Variants in CASP6 observed in about 807,000 individuals in gnomAD.
CASP6 encodes the protein caspase-6.
A neutral mutation model predicts 31.8 loss-of-function variants in CASP6; 20 were observed. The ratio of observed to expected loss-of-function variants is 0.63; its 90% CI spans 0.44 to 0.91. CASP6 has a LOEUF of 0.91. CASP6 is among the 40% of genes least tolerant of loss of function. CASP6 has a pLI of 0.00. For synonymous variants in CASP6, 130 were observed against 127.8 expected (o/e 1.02, Z -0.12); for missense variants, 328 against 361.1 (o/e 0.91, Z 0.74).
At position 109,689,371 on chromosome 4, in the gene CASP6, T is replaced by A; in HGVS notation, c.841A>T (p.Met281Leu). 1 of 1,614,250 alleles carries A rather than the reference T, an allele frequency of 6.2e-7. No homozygotes were observed. The highest frequency in any genetic ancestry group is 8.5e-7 in the Non-Finnish European group (1 of 1,180,052). Residue 281 changes from methionine (M) to leucine (L), a missense_variant, in exon 7 of 7, where the codon ATG becomes TTG. Coordinates refer to ENST00000265164, the MANE Select transcript of CASP6 (RefSeq NM_001226.4). ...GKKQVPCFAS[M>L]LTKKLHFFPK... ...AAGAAATGCAGCTTTTTAGTTAGCA[T>A]TGAGGCAAAACAGGGAACCTGCTTC...
the CASP6 span, chr4:109,673,977 A>G: frequency 1.1e-6 from 1 of 920,018 alleles, no homozygotes; most frequent in South Asian, 1.3e-5. Flanking sequence ...CATATGGATT[A>G]CACAAACTGA....
the CASP6 span, among the ~76,000 whole-genome samples, chr4:109,673,153 TC>T: frequency 6.6e-6 from 1 of 152,142 alleles, no homozygotes; most frequent in African/African-American, 2.4e-5. Context: ...GAAGAGGAAA[TC>T]CCTGTTAAGA....
rs1324780120 is a variant in CASP6, at chr4:109,690,245, A to AC, written c.643+604_643+605insG. On this transcript the variant is annotated intron_variant, in intron 6 of 6. Transcript: ENST00000265164. Reference sequence around the variant, plus strand: ...CAACAGAGTGAGACTATAAAAAAAAAAAACGCACGCACGCACGCAATGGCT... The same window carrying AC: ...CAACAGAGTGAGACTATAAAAAAAAACAAACGCACGCACGCACGCAATGGCT... Among the ~76,000 whole-genome samples, 63 of 66,448 alleles carry AC rather than the reference A, an allele frequency of 9.5e-4. 1 individual carries two copies. Among genetic ancestry groups the AC allele is most frequent in the Non-Finnish European group, 1.2e-4 (4 of 33,376 alleles). The allele number at this position is 66,448 out of a possible 152,430, so 43.6% of individuals were successfully genotyped here.
At chr4:109,706,653 A>G (rs540234834), upstream of CASP6, among the ~76,000 whole-genome samples, 7 of 152,324 alleles carry the variant, frequency 4.6e-5, no homozygotes, top group African/African-American at 1.7e-4. Context: ...ATGGATGGCC[A>G]GGTGCAGTGG....
chr4:109,697,931 G>A (rs573383573), intron 2 of CASP6, among the ~76,000 whole-genome samples, 163 bp from the exon 3 acceptor site: 1 of 152,266 alleles, frequency 6.6e-6, no homozygotes, highest in East Asian at 1.9e-4. Flanking sequence ...GGAAAGTCCT[G>A]AAATATCTCT....
Position 109,694,592 on chromosome 4 carries a change from A to G in CASP6, c.416T>C (p.Leu139Ser). ...CTTGTCTCCTTTGAACAAGCCAGTT[A>G]ATGTCTGAATTTCGATTTTAGCATC... The part of the protein sequence containing the change: ...AYDAKIEIQT[L>S]TGLFKGDKCH... Residue 139 changes from leucine to serine, a missense_variant, in exon 5 of 7, where the codon TTA (leucine) becomes TCA (serine). Transcript: ENST00000265164. 1 of 1,612,260 alleles carries G rather than the reference A, an allele frequency of 6.2e-7. No homozygotes were observed. Among genetic ancestry groups the G allele is most frequent in the Non-Finnish European group, 8.5e-7 (1 of 1,179,134 alleles).
upstream of CASP6, among the ~76,000 whole-genome samples, chr4:109,705,963 A>G: frequency 9.0e-6 from 1 of 110,682 alleles, no homozygotes; most frequent in Non-Finnish European, 1.8e-5. Context: ...GTGACAGAGT[A>G]AGACACTCTT....
At chr4:109,691,847 T>G (rs1730066386) in intron 5 of CASP6, among the ~76,000 whole-genome samples, 1 of 152,094 alleles carries the variant, frequency 6.6e-6, no homozygotes, top group Admixed American at 6.6e-5. Context: ...AAAGACCATA[T>G]GAAGGCACAG....
At chr4:109,688,563 AG>A (rs1729911565), downstream of CASP6, 1 of 152,258 alleles carries the variant, frequency 6.6e-6, no homozygotes, top group African/African-American at 2.4e-5. Context: ...TAAATGACCG[AG>A]TAAAAAACAT....
At chr4:109,668,550 T>C in the CASP6 span, among the ~76,000 whole-genome samples, 1 of 152,122 alleles carries the variant, frequency 6.6e-6, no homozygotes, top group African/African-American at 2.4e-5. Context: ...GGGTTTCTTA[T>C]AGACAATATA....
chr4:109,700,644 C>T (rs1730392230), intron 1 of CASP6, among the ~76,000 whole-genome samples: 1 of 152,018 alleles, frequency 6.6e-6, no homozygotes, highest in Admixed American at 6.6e-5. Context: ...TAGAAAAAAA[C>T]CTAGGCTCTG....
the CASP6 span, chr4:109,682,935 G>A: frequency 7.9e-6 from 4 of 506,396 alleles, no homozygotes; most frequent in South Asian, 2.4e-5. Flanking sequence ...GAGCTGTATC[G>A]CTAATACATG....
chr4:109,696,871 C>T (rs1456530433), intron 3 of CASP6, among the ~76,000 whole-genome samples: 6 of 150,912 alleles, frequency 4.0e-5, no homozygotes, highest in African/African-American at 7.3e-5. Context: ...CTGCAAGCTC[C>T]GCCTCCTGGC....
the CASP6 span, among the ~76,000 whole-genome samples, chr4:109,682,043 G>A: frequency 1.8e-4 from 27 of 148,680 alleles, no homozygotes; most frequent in Non-Finnish European, 3.4e-4. Flanking sequence ...TTTACCTCCT[G>A]TTTTTGCCTA....
At chr4:109,687,705 T>G (rs183845566), downstream of CASP6, 1 of 693,174 alleles carries the variant, frequency 1.4e-6, no homozygotes, top group Admixed American at 2.8e-5. Context: ...ATTAAATTCT[T>G]GTAAAACAGA....
chr4:109,666,178 A>G, the CASP6 span, among the ~76,000 whole-genome samples: 2 of 152,170 alleles, frequency 1.3e-5, no homozygotes, highest in African/African-American at 2.4e-5. Flanking sequence ...CATTATCTGT[A>G]TGTACCACAG....
the CASP6 span, among the ~76,000 whole-genome samples, chr4:109,668,187 G>A: frequency 4.6e-5 from 7 of 152,014 alleles, no homozygotes; most frequent in East Asian, 3.9e-4. Context: ...TGTATACCCC[G>A]TGATTTTCTG....
At chr4:109,666,938 C>T in the CASP6 span, among the ~76,000 whole-genome samples, 1 of 152,070 alleles carries the variant, frequency 6.6e-6, no homozygotes, top group Non-Finnish European at 1.5e-5. Flanking sequence ...GGATAAATCC[C>T]ACTTAGTTGT....
downstream of CASP6, among the ~76,000 whole-genome samples, chr4:109,687,017 AT>A (rs200539952): frequency 1.1e-4 from 17 of 150,946 alleles, no homozygotes; most frequent in Admixed American, 4.6e-4. Flanking sequence ...TATAAACTGT[AT>A]TTTTTTTTAA....
Sources: allele counts gnomAD v4.1 joint callset (sites outside exome capture counted in the v4.1 genomes callset), GRCh38; gene constraint gnomAD v4.1.1; transcripts MANE v1.5; gene names NCBI Gene and HGNC (gene_info 2026-07-23, HGNC 2026-07-21).